The following ZMYM2 variants were observed in gnomAD, a reference collection of about 807,000 sequenced individuals.
ZMYM2 encodes zinc finger MYM-type containing 2.
Under a neutral mutation model 162.8 loss-of-function variants are expected in ZMYM2, and 56 were observed. That is an observed-to-expected ratio of 0.34 (90% CI 0.28 to 0.43). The LOEUF (loss-of-function observed/expected upper bound fraction) is 0.43, where lower values mean the gene tolerates loss of function less well. Among genes scored for constraint, ZMYM2 ranks in the 20% least tolerant of loss-of-function variants. ZMYM2 has a pLI of 1.00. For synonymous variants in ZMYM2, 510 were observed against 541.6 expected (o/e 0.94, Z 0.81); for missense variants, 1,275 against 1,621.8 (o/e 0.79, Z 3.67).
chr13:19,888,558 TTGTA>T, the ZMYM2 span, among the ~76,000 whole-genome samples: 2 of 152,054 alleles, frequency 1.3e-5, no homozygotes, highest in East Asian at 3.9e-4. Context: ...ACTATTAACT[TTGTA>T]TGAGATTTAA....
intron 21 of ZMYM2, among the ~76,000 whole-genome samples, chr13:20,073,692 T>TA (rs1957257322): frequency 1.3e-5 from 2 of 152,212 alleles, no homozygotes; most frequent in Admixed American, 1.3e-4. Context: ...AGGAAAATGC[T>TA]ATCACAGGAA....
intron 4 of ZMYM2, 30 bp downstream of exon 4, chr13:20,003,165 A>G (rs755833688): frequency 4.4e-6 from 7 of 1,579,844 alleles, no homozygotes; most frequent in African/African-American, 1.4e-5. Context: ...ATAATTACAT[A>G]TAGTTGAATT....
rs1449350265 is a variant in ZMYM2, at chr13:19,958,777, T to G, written c.-144T>G. ...GGACTGGACCGAGCGGAGTTGTGCG[T>G]GTCGCCGAAGGGGGGTGGGCCGGGG... On this transcript the variant is annotated 5_prime_UTR_variant, in exon 1 of 25. Transcript: ENST00000610343. 2 of 120,722 alleles carry G rather than the reference T, an allele frequency of 1.7e-5. No homozygotes were observed. Among genetic ancestry groups the G allele is most frequent in the Non-Finnish European group, 3.4e-5 (2 of 58,796 alleles). 7.5% of individuals were successfully genotyped at this position (120,722 alleles called of 1,614,324 possible).
At position 20,088,800 on chromosome 13, in the gene ZMYM2, T is replaced by C. The variant is rs1293773855; in HGVS notation, c.*2786T>C. 1.0e-5 allele frequency: 2 copies of C among 194,552 alleles called. No homozygotes were observed. Among genetic ancestry groups the C allele is most frequent in the African/African-American group, 2.3e-5 (1 of 43,264 alleles). The allele number at this position is 194,552 out of a possible 1,614,324, so 12.1% of individuals were successfully genotyped here. On this transcript the variant is annotated 3_prime_UTR_variant, in exon 25 of 25. Transcript: ENST00000610343. ...ACTTTCCCTTTGTCCTTTCTAGTTA[T>C]GACTTGGGAATGGGGTAACTTCTTT...
intron 3 of ZMYM2, among the ~76,000 whole-genome samples, chr13:20,001,707 GTTATC>G (rs1260238552): frequency 6.6e-6 from 1 of 152,184 alleles, no homozygotes; most frequent in African/African-American, 2.4e-5. Context: ...AAAGATCATT[GTTATC>G]TTATTTTAAG....
the ZMYM2 span, among the ~76,000 whole-genome samples, chr13:19,872,999 C>CAA: frequency 1.2e-4 from 18 of 150,354 alleles, no homozygotes; most frequent in East Asian, 3.9e-4. Context: ...GACTCTACCC[C>CAA]AAAAAAAAAT....
intron 21 of ZMYM2, among the ~76,000 whole-genome samples, chr13:20,074,265 T>C (rs1957324246): frequency 6.6e-6 from 1 of 151,628 alleles, no homozygotes; most frequent in Admixed American, 6.6e-5. Context: ...AGGGTCTCAC[T>C]CTGGCGCCCA....
At chr13:19,958,722 GCCTCCTCCT>G (rs1055421683) in exon 1 of ZMYM2, 1 of 153,560 alleles carries the variant, frequency 6.5e-6, no homozygotes, top group Non-Finnish European at 1.4e-5. Flanking sequence ...CGCCTCCTCC[GCCTCCTCCT>G]CCTCACCAGC....
At chr13:20,061,248 T>C in intron 17 of ZMYM2, 24 bp downstream of exon 17, 1 of 1,606,092 alleles carries the variant, frequency 6.2e-7, no homozygotes, top group Non-Finnish European at 8.5e-7. Flanking sequence ...AATTATACCT[T>C]GCGAATAAGT....
the ZMYM2 span, among the ~76,000 whole-genome samples, chr13:19,928,229 A>C: frequency 6.6e-6 from 1 of 151,914 alleles, no homozygotes; most frequent in East Asian, 1.9e-4. Context: ...CTGTCCTCCA[A>C]CTCTTGGCTC....
At chr13:19,906,059 T>C in the ZMYM2 span, among the ~76,000 whole-genome samples, 1 of 151,810 alleles carries the variant, frequency 6.6e-6, no homozygotes, top group African/African-American at 2.4e-5. Context: ...TCGGATCACC[T>C]GAGGTCAGGA....
the ZMYM2 span, among the ~76,000 whole-genome samples, chr13:19,917,885 C>T: frequency 6.6e-6 from 1 of 151,904 alleles, no homozygotes; most frequent in African/African-American, 2.4e-5. Context: ...ATAGTGAAAT[C>T]CCATCTCCAC....
chr13:19,984,770 A>G (rs1402589182), intron 2 of ZMYM2, among the ~76,000 whole-genome samples: 1 of 152,234 alleles, frequency 6.6e-6, no homozygotes. Context: ...GATAGCTGTC[A>G]TAGTTGAATG....
chr13:20,035,274 G>A (rs1206863847), intron 11 of ZMYM2, among the ~76,000 whole-genome samples: 3 of 152,118 alleles, frequency 2.0e-5, no homozygotes, highest in African/African-American at 4.8e-5. Flanking sequence ...TTATCAGTTC[G>A]TTCAACTAGT....
chr13:20,071,204 C>A (rs1286731376), intron 21 of ZMYM2, among the ~76,000 whole-genome samples: 1 of 152,152 alleles, frequency 6.6e-6, no homozygotes, highest in Non-Finnish European at 1.5e-5. Flanking sequence ...CCTGAGGAGG[C>A]TGGCATTACA....
intron 6 of ZMYM2, among the ~76,000 whole-genome samples, chr13:20,014,703 G>A (rs1055825863): frequency 6.8e-6 from 1 of 147,854 alleles, no homozygotes; most frequent in South Asian, 2.1e-4. Flanking sequence ...TGCTGGCTTT[G>A]GGTTTAGTGA....
Position 20,062,857 on chromosome 13 carries a change from G to C in ZMYM2, c.2923G>C (p.Glu975Gln), listed in dbSNP as rs1458926248. The C allele has an allele frequency of 3.8e-6, 6 of 1,571,600 alleles. No homozygotes were observed. The highest frequency in any genetic ancestry group is 4.3e-6 in the Non-Finnish European group (5 of 1,156,800). ...TGGATTGATTTCAGGTGTAATTATT[G>C]AAACAGATATAATTGGTTCAGACCT... ...ETTNINSVII[E>Q]TDIIGSDLLK... The change falls in exon 18 of 25, where the codon GAA becomes CAA. Residue 975 changes from glutamate (E) to glutamine (Q), a missense_variant. Physicochemically the swap from Glu to Gln is conservative, Grantham distance 29. This residue lies in a region of ZMYM2 where 229 missense variants were observed against 283.8 expected (regional missense o/e 0.81). Coordinates refer to ENST00000610343, the MANE Select transcript of ZMYM2 (RefSeq NM_197968.4).
At chr13:19,975,609 T>C (rs954166117) in intron 2 of ZMYM2, among the ~76,000 whole-genome samples, 1 of 152,268 alleles carries the variant, frequency 6.6e-6, no homozygotes. Flanking sequence ...TTGGCCGTTG[T>C]GAAAATGCTT....
At chr13:19,966,114 G>GTT (rs1166436755) in intron 2 of ZMYM2, among the ~76,000 whole-genome samples, 72 of 135,056 alleles carry the variant, frequency 5.3e-4, no homozygotes, top group African/African-American at 1.9e-3. Flanking sequence ...ATATTTGCTT[G>GTT]TTTTTTTTTT....
Sources: allele counts gnomAD v4.1 joint callset (sites outside exome capture counted in the v4.1 genomes callset), GRCh38; gene constraint gnomAD v4.1.1; regional missense constraint gnomAD v4.1.1; transcripts MANE v1.5; gene names NCBI Gene and HGNC (gene_info 2026-07-23, HGNC 2026-07-21).